UBR3: variants seen among roughly 807,000 people sequenced by gnomAD.
The protein encoded by UBR3 is E3 ubiquitin-protein ligase UBR3.
A neutral mutation model predicts 243.2 loss-of-function variants in UBR3; 85 were observed. The ratio of observed to expected loss-of-function variants is 0.35; its 90% confidence interval spans 0.29 to 0.42. The LOEUF is 0.42. Among genes scored for constraint, UBR3 ranks in the 10% least tolerant of loss-of-function variants. The probability of loss-of-function intolerance (pLI) is 1.00; values close to 1 mark genes in which losing one functional copy is unlikely to be tolerated. For missense variants in UBR3, 1,686 were observed against 2,300.8 expected (o/e 0.73, Z 5.47); for synonymous variants, 748 against 799.8 (o/e 0.94, Z 1.09).
At chr2:169,968,466 C>T (rs1341365136) in intron 24 of UBR3, among the ~76,000 whole-genome samples, 1 of 152,036 alleles carries the variant, frequency 6.6e-6, no homozygotes, top group South Asian at 2.1e-4. Context: ...TTCTGTGCCT[C>T]GCTTGTTTCA....
chr2:169,898,239 A>T (rs910384174), intron 8 of UBR3, among the ~76,000 whole-genome samples: 5 of 152,200 alleles, frequency 3.3e-5, no homozygotes, highest in Admixed American at 3.3e-4. Flanking sequence ...CTTTGTGCAT[A>T]TCAGCTCCTG....
chr2:169,947,041 T>C (rs2086813181), intron 21 of UBR3, among the ~76,000 whole-genome samples: 1 of 152,128 alleles, frequency 6.6e-6, no homozygotes, highest in Non-Finnish European at 1.5e-5. Flanking sequence ...TGACAAAATA[T>C]AACACAGCAT....
intron 1 of UBR3, among the ~76,000 whole-genome samples, chr2:169,830,575 A>C (rs1279534374): frequency 6.6e-6 from 1 of 152,136 alleles, no homozygotes; most frequent in Non-Finnish European, 1.5e-5. Flanking sequence ...CTGGAGCCAG[A>C]CTAATCAACC....
intron 1 of UBR3, among the ~76,000 whole-genome samples, chr2:169,837,477 A>G (rs1273692705): frequency 6.6e-6 from 1 of 152,236 alleles, no homozygotes; most frequent in Non-Finnish European, 1.5e-5. Context: ...TCTCCGTCTC[A>G]AAAAGAAAAG....
chr2:170,051,701 C>T (rs1196821225), intron 32 of UBR3, among the ~76,000 whole-genome samples: 1 of 152,128 alleles, frequency 6.6e-6, no homozygotes, highest in Admixed American at 6.5e-5. Flanking sequence ...TAAGAAGAAG[C>T]TATATGTCAG....
intron 36 of UBR3, among the ~76,000 whole-genome samples, chr2:170,074,850 G>A (rs201923290): frequency 6.6e-6 from 1 of 152,074 alleles, no homozygotes; most frequent in South Asian, 2.1e-4. Flanking sequence ...GGGGCTCCAC[G>A]AAGCAGAAAT....
intron 10 of UBR3, among the ~76,000 whole-genome samples, chr2:169,912,934 G>A (rs944478795): frequency 9.2e-5 from 14 of 152,042 alleles, no homozygotes; most frequent in Admixed American, 7.9e-4. Context: ...ATAAATGCAC[G>A]CCACCACTCT....
At chr2:169,977,367 A>G (rs937346153) in intron 24 of UBR3, among the ~76,000 whole-genome samples, 26 of 152,300 alleles carry the variant, frequency 1.7e-4, no homozygotes, top group Admixed American at 3.3e-4. Context: ...TACAAAGGTG[A>G]CATCCCATGA....
At chr2:170,044,507 C>T (rs967609170) in intron 32 of UBR3, among the ~76,000 whole-genome samples, 4 of 152,110 alleles carry the variant, frequency 2.6e-5, no homozygotes, top group African/African-American at 9.7e-5. Context: ...ATACCCATCA[C>T]ATCACTGGCC....
At chr2:169,902,156 CTTT>C (rs1244984983) in intron 8 of UBR3, among the ~76,000 whole-genome samples, 1 of 152,170 alleles carries the variant, frequency 6.6e-6, no homozygotes, top group Non-Finnish European at 1.5e-5. Flanking sequence ...TCTTTGACTT[CTTT>C]TTATTCCTTG....
intron 27 of UBR3, among the ~76,000 whole-genome samples, chr2:170,006,298 C>T (rs1164477738): frequency 6.6e-6 from 1 of 152,174 alleles, no homozygotes; most frequent in African/African-American, 2.4e-5. Flanking sequence ...TTTATGCTAT[C>T]ACCTTGCACA....
chr2:169,896,335 A>G (rs1428632619), intron 7 of UBR3, among the ~76,000 whole-genome samples, 172 bp from the exon 8 acceptor site: 1 of 152,116 alleles, frequency 6.6e-6, no homozygotes, highest in Admixed American at 6.6e-5. Flanking sequence ...ATATTTTGCA[A>G]ATGTTCCAAA....
chr2:170,005,654 A>C (rs2089888426), intron 27 of UBR3, among the ~76,000 whole-genome samples: 1 of 152,214 alleles, frequency 6.6e-6, no homozygotes, highest in African/African-American at 2.4e-5. Context: ...GAGTTATTAC[A>C]GGACAAGGAT....
intron 16 of UBR3, 118 bp downstream of exon 16, chr2:169,927,089 G>T: frequency 7.9e-7 from 1 of 1,268,562 alleles, no homozygotes; most frequent in Non-Finnish European, 1.1e-6. Flanking sequence ...TGTAAACAAT[G>T]TTTCAAACTC....
intron 36 of UBR3, among the ~76,000 whole-genome samples, chr2:170,074,474 A>G (rs1455973196): frequency 2.0e-5 from 3 of 152,102 alleles, no homozygotes; most frequent in Admixed American, 2.0e-4. Flanking sequence ...CATGGCACTC[A>G]AGGATCTTCA....
At chr2:170,044,794 T>TG (rs1055427973) in intron 32 of UBR3, among the ~76,000 whole-genome samples, 7 of 152,160 alleles carry the variant, frequency 4.6e-5, no homozygotes, top group Non-Finnish European at 1.0e-4. Context: ...CCAAGGTAGC[T>TG]GCTAAGAGTT....
chr2:169,927,575 G>GTT (rs5836254), intron 17 of UBR3, among the ~76,000 whole-genome samples, 170 bp downstream of exon 17: 1 of 146,182 alleles, frequency 6.8e-6, no homozygotes, highest in Non-Finnish European at 1.5e-5. Context: ...CCTGGTGACT[G>GTT]TTTTTTTTTT....
chr2:169,876,414 G>A (rs1359451305), intron 3 of UBR3, among the ~76,000 whole-genome samples: 1 of 152,106 alleles, frequency 6.6e-6, no homozygotes, highest in Non-Finnish European at 1.5e-5. Flanking sequence ...AGGAAATTGA[G>A]CCCTAGGAAA....
intron 24 of UBR3, among the ~76,000 whole-genome samples, chr2:169,975,276 C>T (rs140612610): frequency 8.5e-5 from 13 of 152,240 alleles, no homozygotes; most frequent in East Asian, 1.9e-4. Flanking sequence ...AAAAGTTCCT[C>T]GTTATTAATT....
Sources: allele counts gnomAD v4.1 joint callset (sites outside exome capture counted in the v4.1 genomes callset), GRCh38; gene constraint gnomAD v4.1.1; transcripts MANE v1.5; gene names NCBI Gene and HGNC (gene_info 2026-07-23, HGNC 2026-07-21).